The following NUP210L variants were observed in gnomAD, a reference collection of about 807,000 sequenced individuals.
The protein encoded by NUP210L is nuclear pore membrane glycoprotein 210-like.
NUP210L carries 74 observed loss-of-function variants against 208.5 expected under a neutral mutation model. That is an observed-to-expected ratio of 0.35 (90% CI 0.29 to 0.43). The LOEUF (loss-of-function observed/expected upper bound fraction) is 0.43. Among genes scored for constraint, NUP210L ranks in the 20% least tolerant of loss-of-function variants. The pLI, the probability that NUP210L is intolerant of heterozygous loss-of-function variation, is 1.00. For synonymous variants in NUP210L, 780 were observed against 816.9 expected (o/e 0.95, Z 0.77); for missense variants, 1,843 against 2,289.4 (o/e 0.81, Z 3.98).
At chr1:154,068,772 C>T (rs113676577) in intron 17 of NUP210L, among the ~76,000 whole-genome samples, 121 of 147,890 alleles carry the variant, frequency 8.2e-4, no homozygotes, top group African/African-American at 2.4e-3. Context: ...GGGAATTGAA[C>T]AATGAGAACA....
chr1:154,101,515 A>G (rs1656469748), intron 13 of NUP210L, among the ~76,000 whole-genome samples: 1 of 152,176 alleles, frequency 6.6e-6, no homozygotes, highest in African/African-American at 2.4e-5. Flanking sequence ...GATCTCTTAC[A>G]TTAACAATTA....
Position 154,012,377 on chromosome 1 carries a change from G to A in NUP210L, c.4654-7C>T. 1 of 1,608,832 alleles carries A rather than the reference G, an allele frequency of 6.2e-7. No homozygotes were observed. The highest frequency in any genetic ancestry group is 8.5e-7 in the Non-Finnish European group (1 of 1,178,404). On this transcript the variant is annotated splice_region_variant and splice_polypyrimidine_tract_variant and intron_variant, in intron 33 of 39. Coordinates refer to ENST00000368559, the Ensembl canonical transcript of NUP210L. ...ATGATGCATTGACCACCACCTGTCA[G>A]CAAATCAAAGGAAAATCTGCACCTA...
At chr1:154,011,679 G>GTTT (rs34653809) in intron 34 of NUP210L, among the ~76,000 whole-genome samples, 22 of 78,434 alleles carry the variant, frequency 2.8e-4, no homozygotes, top group African/African-American at 5.8e-4. Flanking sequence ...ATTATCTTAA[G>GTTT]TTTTTTTTTT....
At chr1:154,126,891 T>C (rs1331173819) in intron 9 of NUP210L, among the ~76,000 whole-genome samples, 3 of 152,098 alleles carry the variant, frequency 2.0e-5, no homozygotes, top group African/African-American at 7.2e-5. Flanking sequence ...TTATCACTGG[T>C]ACTCATTTCA....
At chr1:154,111,389 T>C (rs1448392037) in intron 12 of NUP210L, among the ~76,000 whole-genome samples, 1 of 150,366 alleles carries the variant, frequency 6.7e-6, no homozygotes, top group African/African-American at 2.5e-5. Context: ...TCTCAAAAAC[T>C]AGATAAATAA....
exon 24 of NUP210L, chr1:154,054,795 G>C: frequency 6.2e-7 from 1 of 1,613,424 alleles, no homozygotes; most frequent in Non-Finnish European, 8.5e-7. Flanking sequence ...TGGAATCAGT[G>C]TCATTTTCTC....
At chr1:154,002,703 G>T (rs1470956741) in intron 35 of NUP210L, among the ~76,000 whole-genome samples, 1 of 148,468 alleles carries the variant, frequency 6.7e-6, no homozygotes, top group Non-Finnish European at 1.5e-5. Flanking sequence ...GGGCTCAAGC[G>T]ATCCTCCTGC....
At chr1:154,122,837 G>A (rs1289988942) in intron 10 of NUP210L, among the ~76,000 whole-genome samples, 3 of 151,956 alleles carry the variant, frequency 2.0e-5, no homozygotes, top group Non-Finnish European at 4.4e-5. Context: ...GGTGGGTGGA[G>A]CACCTGAGTT....
intron 16 of NUP210L, among the ~76,000 whole-genome samples, chr1:154,087,057 C>T (rs553151916): frequency 4.4e-4 from 66 of 151,274 alleles, no homozygotes; most frequent in African/African-American, 6.1e-4. Flanking sequence ...CAGTGGCTCA[C>T]GCCTGTAATC....
At chr1:154,061,408 A>C (rs1654129732) in intron 18 of NUP210L, among the ~76,000 whole-genome samples, 178 bp downstream of exon 18, 1 of 150,898 alleles carries the variant, frequency 6.6e-6, no homozygotes. Context: ...ATAATAATAA[A>C]GTCAATGTCT....
chr1:154,022,464 A>G (rs181672699), intron 31 of NUP210L, 121 bp from the exon 32 acceptor site: 3 of 756,186 alleles, frequency 4.0e-6, no homozygotes, highest in East Asian at 5.3e-5. Flanking sequence ...GAATTCCACA[A>G]TAAAGAGTAA....
chr1:154,148,507 TCA>T (rs1211195954), intron 2 of NUP210L, among the ~76,000 whole-genome samples: 1 of 151,962 alleles, frequency 6.6e-6, no homozygotes, highest in East Asian at 1.9e-4. Flanking sequence ...ACTGAGAAAC[TCA>T]CAGATTGGAG....
chr1:154,100,064 T>G, exon 14 of NUP210L: 1 of 1,613,966 alleles, frequency 6.2e-7, no homozygotes, highest in Non-Finnish European at 8.5e-7. Context: ...CATTCACACT[T>G]ACTGTTACCA....
chr1:154,116,713 G>A (rs945828026), intron 12 of NUP210L, among the ~76,000 whole-genome samples: 2 of 151,984 alleles, frequency 1.3e-5, no homozygotes, highest in African/African-American at 4.8e-5. Context: ...GGGCAACAGA[G>A]CAAGACTCAG....
chr1:154,031,451 A>G (rs200063861), intron 27 of NUP210L, among the ~76,000 whole-genome samples: 1 of 152,138 alleles, frequency 6.6e-6, no homozygotes, highest in South Asian at 2.1e-4. Flanking sequence ...GTGCTATCAT[A>G]TACTAGATCT....
chr1:154,007,274 T>A (rs902466395), intron 35 of NUP210L, among the ~76,000 whole-genome samples: 7 of 151,698 alleles, frequency 4.6e-5, no homozygotes, highest in African/African-American at 1.5e-4. Context: ...TATATATATT[T>A]TTTTTGAGAC....
At chr1:154,010,531 G>A (rs955809757) in intron 34 of NUP210L, among the ~76,000 whole-genome samples, 1 of 150,194 alleles carries the variant, frequency 6.7e-6, no homozygotes, top group Non-Finnish European at 1.5e-5. Context: ...CTCCCACCAC[G>A]CCTGGCGTCA....
chr1:154,069,035 A>G (rs1021211319), intron 17 of NUP210L, among the ~76,000 whole-genome samples: 1 of 152,210 alleles, frequency 6.6e-6, no homozygotes, highest in Non-Finnish European at 1.5e-5. Context: ...CGCCTTATAC[A>G]AAAATTAATT....
intron 15 of NUP210L, among the ~76,000 whole-genome samples, chr1:154,091,071 G>GTTATTATTA (rs111324293): frequency 0.022 from 3,146 of 140,788 alleles, 34 homozygotes; most frequent in Middle Eastern, 0.033. Context: ...TATTATTGCT[G>GTTATTATTA]TTATTATTAT....
Sources: allele counts gnomAD v4.1 joint callset (sites outside exome capture counted in the v4.1 genomes callset), GRCh38; gene constraint gnomAD v4.1.1; transcripts MANE v1.5; gene names NCBI Gene and HGNC (gene_info 2026-07-23, HGNC 2026-07-21).